Variants in NFIC observed in about 807,000 individuals in gnomAD.
NFIC encodes the protein nuclear factor I C, also known as nuclear factor 1 C-type.
NFIC carries 12 observed loss-of-function variants against 54.4 expected under a neutral mutation model. That is an observed-to-expected ratio of 0.22 (90% CI 0.14 to 0.36). The LOEUF (loss-of-function observed/expected upper bound fraction) is 0.36, where lower values mean the gene tolerates loss of function less well. Ranked by LOEUF, NFIC falls within the 10% of genes least tolerant of loss-of-function variation. The pLI is 1.00. For missense variants in NFIC, 575 were observed against 718.2 expected (o/e 0.80, Z 2.28); for synonymous variants, 322 against 319.2 (o/e 1.01, Z -0.09).
chr19:3,360,145 C>T (rs1342685574), intron 1 of NFIC, among the ~76,000 whole-genome samples: 3 of 145,430 alleles, frequency 2.1e-5, no homozygotes, highest in Non-Finnish European at 4.6e-5. Flanking sequence ...GCGGCCCCCG[C>T]GGGGTGCCCC....
intron 2 of NFIC, among the ~76,000 whole-genome samples, chr19:3,424,809 C>G (rs1016479156): frequency 1.4e-4 from 22 of 152,206 alleles, no homozygotes; most frequent in African/African-American, 5.3e-4. Context: ...AAGTTCTTAC[C>G]CACGACTGAG....
intron 2 of NFIC, among the ~76,000 whole-genome samples, chr19:3,383,556 G>A (rs2081246450): frequency 6.6e-6 from 1 of 152,182 alleles, no homozygotes; most frequent in Admixed American, 6.5e-5. Context: ...GCTGGATGGG[G>A]CTATGGGAGG....
intron 2 of NFIC, among the ~76,000 whole-genome samples, chr19:3,397,798 G>A (rs549774360): frequency 4.6e-5 from 7 of 152,338 alleles, no homozygotes; most frequent in Admixed American, 3.3e-4. Context: ...GAATGTGAGC[G>A]GGGGAGGCTG....
intron 2 of NFIC, among the ~76,000 whole-genome samples, chr19:3,413,108 C>T (rs910449817): frequency 6.6e-6 from 1 of 152,026 alleles, no homozygotes; most frequent in African/African-American, 2.4e-5. Context: ...GCCACCACAC[C>T]CGGCTAATTT....
intron 2 of NFIC, among the ~76,000 whole-genome samples, chr19:3,415,747 T>C (rs1396323892): frequency 1.3e-5 from 2 of 152,152 alleles, no homozygotes; most frequent in Non-Finnish European, 2.9e-5. Flanking sequence ...TGATGGAGGC[T>C]CTGGGAGAAG....
Position 3,369,191 on chromosome 19 carries a change from G to C in NFIC, c.30+2525G>C, listed in dbSNP as rs375843954. Among the ~76,000 whole-genome samples, 1 of 150,988 alleles carries C rather than the reference G, an allele frequency of 6.6e-6. No individual in the cohort carries two copies. Among genetic ancestry groups the C allele is most frequent in the Non-Finnish European group, 1.5e-5 (1 of 67,790 alleles). On this transcript the variant is annotated intron_variant, in intron 1 of 10. Transcript: ENST00000443272. This position sits in a 1 kb window ranked among gnomAD's most constrained non-coding sequence, Gnocchi z 4.3. ...CTTTGCCTTCTTTGTGTGTCTGTCC[G>C]ATGTGTCTCTGTCTGTTTCTCTGTC...
intron 2 of NFIC, among the ~76,000 whole-genome samples, chr19:3,396,237 T>G (rs1362284419): frequency 1.3e-5 from 2 of 150,432 alleles, no homozygotes; most frequent in Non-Finnish European, 3.0e-5. Flanking sequence ...TTTGGGAGGC[T>G]GAGGTATGCG....
In NFIC at chr19:3,385,697, C is replaced by T. The variant is rs532007982; in HGVS notation, c.562+3454C>T. Among the ~76,000 whole-genome samples, 12 of 151,308 alleles carry T rather than the reference C, an allele frequency of 7.9e-5. No homozygotes were observed. The South Asian group carries it at 8.4e-4, about 11-fold the overall frequency. On this transcript the variant is annotated intron_variant, in intron 2 of 10. Transcript: ENST00000443272. ...AAGCAATTCTCCTGCCTCAGTCTCC[C>T]GAGTAGCTGGGACTACACATGCCCA...
chr19:3,468,168 G>T lies in NFIC; in HGVS notation c.*5399G>T. 6.6e-6 allele frequency: 1 copy of T among 152,240 alleles called. No homozygotes were observed. The allele number at this position is 152,240 out of a possible 1,614,324, so 9.4% of individuals were successfully genotyped here. On this transcript the variant is annotated 3_prime_UTR_variant, in exon 11 of 11. Coordinates refer to ENST00000443272, the MANE Select transcript of NFIC (RefSeq NM_001245002.2). Reference sequence around the variant, plus strand: ...CAGTGCCTCACATGTCTGCTGGTGTGGCTTTGGGATTCTCCTGCCCCACCC... The same window carrying T: ...CAGTGCCTCACATGTCTGCTGGTGTTGCTTTGGGATTCTCCTGCCCCACCC...
At chr19:3,365,480 C>CA (rs1555737158), upstream of NFIC, among the ~76,000 whole-genome samples, 1 of 152,090 alleles carries the variant, frequency 6.6e-6, no homozygotes, top group African/African-American at 2.4e-5. Context: ...GGGAGTGAAC[C>CA]GGGGGAGGGT....
chr19:3,415,473 G>A (rs2081839324), intron 2 of NFIC, among the ~76,000 whole-genome samples: 1 of 152,014 alleles, frequency 6.6e-6, no homozygotes, highest in Non-Finnish European at 1.5e-5. Context: ...ACACAGGTCA[G>A]GTCTGCCTCC....
chr19:3,372,299 G>A (rs142150337), intron 1 of NFIC, among the ~76,000 whole-genome samples: 3,683 of 152,126 alleles, frequency 0.024, 152 homozygotes, highest in African/African-American at 0.083. Flanking sequence ...GGGATTACAG[G>A]CATGAGCCAC....
intron 3 of NFIC, among the ~76,000 whole-genome samples, chr19:3,427,379 A>G (rs760903647): frequency 6.6e-6 from 1 of 152,146 alleles, no homozygotes; most frequent in Non-Finnish European, 1.5e-5. Flanking sequence ...TTGTCTGTCT[A>G]CATCTCTGTT....
intron 3 of NFIC, among the ~76,000 whole-genome samples, chr19:3,429,942 G>A (rs1233306137): frequency 7.2e-5 from 11 of 152,166 alleles, no homozygotes; most frequent in Admixed American, 2.6e-4. Flanking sequence ...TGTTCTCGGA[G>A]CTTTGCAGAT....
At chr19:3,424,867 C>T (rs745697159) in intron 2 of NFIC, among the ~76,000 whole-genome samples, 6 of 152,206 alleles carry the variant, frequency 3.9e-5, no homozygotes, top group African/African-American at 9.6e-5. Flanking sequence ...GGTACACTGG[C>T]GCTCACAGGG....
chr19:3,395,790 C>G (rs770068293), intron 2 of NFIC, among the ~76,000 whole-genome samples: 2 of 152,122 alleles, frequency 1.3e-5, no homozygotes, highest in African/African-American at 2.4e-5. Flanking sequence ...AAGCGATTCT[C>G]CTGCCTCAGC....
chr19:3,403,760 T>TG (rs1415286850), intron 2 of NFIC, among the ~76,000 whole-genome samples: 4 of 152,116 alleles, frequency 2.6e-5, no homozygotes, highest in Non-Finnish European at 5.9e-5. Flanking sequence ...GCTGCCCAGT[T>TG]GGAGACGCGC....
intron 2 of NFIC, among the ~76,000 whole-genome samples, chr19:3,401,834 G>A (rs1257566137): frequency 6.6e-6 from 1 of 151,698 alleles, no homozygotes; most frequent in Non-Finnish European, 1.5e-5. Flanking sequence ...AGATTCTCCT[G>A]CCTCAGCCTC....
rs574514950 is a variant in NFIC, at chr19:3,453,108, G to A, written c.1269+442G>A. On this transcript the variant is annotated intron_variant, in intron 8 of 10. Coordinates refer to ENST00000443272, the MANE Select transcript of NFIC (RefSeq NM_001245002.2). This position sits in a 1 kb window ranked among gnomAD's most constrained non-coding sequence, Gnocchi z 6.7. ...TTAAAAATGAGCCACGCATGGTGGC[G>A]GGCGCCTGTAGTCCCAGCTACTCAG... is the stretch of plus-strand genomic sequence containing the variant. Among the ~76,000 whole-genome samples, 3 of 152,136 alleles carry A rather than the reference G, an allele frequency of 2.0e-5. No individual in the cohort carries two copies. Among genetic ancestry groups the A allele is most frequent in the South Asian group, 2.1e-4 (1 of 4,824 alleles).
Sources: gnomAD v4.1 joint callset for allele counts (sites outside exome capture counted in the v4.1 genomes callset) on GRCh38, gnomAD v4.1.1 for gene constraint, Gnocchi (gnomAD v3.1) non-coding constraint, MANE v1.5 for transcripts, NCBI Gene and HGNC (gene_info 2026-07-23, HGNC 2026-07-21) for gene names.